DAP3: variants seen among roughly 807,000 people sequenced by gnomAD.
DAP3 encodes death associated protein 3.
Under a neutral mutation model 51.9 loss-of-function variants are expected in DAP3, and 28 were observed. The ratio of observed to expected loss-of-function variants is 0.54; its 90% CI spans 0.40 to 0.74. The LOEUF (loss-of-function observed/expected upper bound fraction) is 0.74, where lower values mean the gene tolerates loss of function less well. DAP3 is among the 30% of genes least tolerant of loss of function. The pLI is 0.00. For synonymous variants in DAP3, 170 were observed against 170.3 expected, an observed-to-expected ratio of 1.00 and a Z score of 0.01; for missense variants, 458 against 483.5, an observed-to-expected ratio of 0.95 and a Z score of 0.49.
chr1:155,718,228 A>G (rs1485460307), intron 3 of DAP3, among the ~76,000 whole-genome samples: 1 of 152,172 alleles, frequency 6.6e-6, no homozygotes, highest in Non-Finnish European at 1.5e-5. Flanking sequence ...TCTACTAAAA[A>G]TACTAAAATT....
chr1:155,716,434 G>A (rs956678803), intron 2 of DAP3, among the ~76,000 whole-genome samples: 8 of 152,112 alleles, frequency 5.3e-5, no homozygotes, highest in African/African-American at 2.4e-5. Context: ...TTAGCCAGGC[G>A]TGGTGGCGGG....
chr1:155,718,261 C>A (rs1360380576), intron 3 of DAP3, among the ~76,000 whole-genome samples: 5 of 152,138 alleles, frequency 3.3e-5, no homozygotes, highest in Non-Finnish European at 7.3e-5. Flanking sequence ...TGGCGGGCAC[C>A]TGTAATCCCA....
chr1:155,721,507 T>A lies in DAP3; in HGVS notation c.169-10T>A. On this transcript the variant is annotated splice_polypyrimidine_tract_variant and intron_variant, in intron 3 of 12. Transcript: ENST00000368336. Reference sequence around the variant, plus strand: ...TCACCATTATACCTGTTTGCACTCTTATTTCCTAGGCCAAGCATGGGGATC... The same window carrying A: ...TCACCATTATACCTGTTTGCACTCTAATTTCCTAGGCCAAGCATGGGGATC... The A allele has an allele frequency of 6.2e-7, 1 of 1,613,690 alleles. No homozygotes were observed. Among genetic ancestry groups the A allele is most frequent in the Non-Finnish European group, 8.5e-7 (1 of 1,179,894 alleles).
At chr1:155,700,449 C>T (rs1200027425) in intron 1 of DAP3, among the ~76,000 whole-genome samples, 1 of 152,162 alleles carries the variant, frequency 6.6e-6, no homozygotes, top group Non-Finnish European at 1.5e-5. Context: ...GTTAAGAAAC[C>T]ATTGCATAAC....
chr1:155,702,599 AATT>A (rs926799599), intron 1 of DAP3, among the ~76,000 whole-genome samples: 3 of 152,232 alleles, frequency 2.0e-5, no homozygotes, highest in East Asian at 3.9e-4. Flanking sequence ...TTTGTGGGTG[AATT>A]TCAGGTTGTC....
intron 1 of DAP3, among the ~76,000 whole-genome samples, chr1:155,705,628 A>G (rs965733189): frequency 6.6e-6 from 1 of 151,190 alleles, no homozygotes; most frequent in East Asian, 1.9e-4. Flanking sequence ...GAAAAAAAAA[A>G]CAGAAAGGAA....
intron 3 of DAP3, 75 bp downstream of exon 3, chr1:155,717,203 A>T (rs778979973): frequency 3.1e-5 from 49 of 1,573,048 alleles, no homozygotes; most frequent in Non-Finnish European, 2.7e-5. Flanking sequence ...GCATAGGAAA[A>T]CTGAAACTGA....
intron 7 of DAP3, 49 bp from the exon 8 acceptor site, chr1:155,728,993 A>T (rs992573179): frequency 1.3e-6 from 2 of 1,594,672 alleles, no homozygotes; most frequent in African/African-American, 2.7e-5. Context: ...TTTCACCCTT[A>T]GGCCAAGTAG....
chr1:155,736,072 CT>C (rs1423369893), intron 11 of DAP3, among the ~76,000 whole-genome samples: 1 of 152,052 alleles, frequency 6.6e-6, no homozygotes, highest in African/African-American at 2.4e-5. Flanking sequence ...AACTCCTGAC[CT>C]TGTGATCTGC....
At position 155,691,785 on chromosome 1, in the gene DAP3, T is replaced by C. The variant is rs1653847346; in HGVS notation, c.-8+2611T>C. On this transcript the variant is annotated intron_variant, in intron 1 of 12. Coordinates refer to ENST00000368336, the MANE Select transcript of DAP3 (RefSeq NM_004632.4). ...TTTTGAATTTCATCATTCTAGTGGG[T>C]GTGAAGTGTATCTCATTGTGGTTTT... 1.4e-5 allele frequency among the ~76,000 whole-genome samples: 2 copies of C among 141,870 alleles called. 1 individual carries two copies. Among genetic ancestry groups the C allele is most frequent in the African/African-American group, 6.4e-5 (2 of 31,336 alleles). The allele number at this position is 141,870 out of a possible 152,430, so 93.1% of individuals were successfully genotyped here. A position where few individuals can be genotyped will look rare whatever the true frequency, so the allele number is the denominator to read the frequency against.
intron 11 of DAP3, chr1:155,736,598 G>T (rs917384599): frequency 3.8e-6 from 1 of 265,708 alleles, no homozygotes; most frequent in Non-Finnish European, 7.3e-6. Context: ...TGTATTTTCT[G>T]TCGAGACAGG....
intron 4 of DAP3, among the ~76,000 whole-genome samples, chr1:155,722,748 C>T (rs903175699): frequency 2.0e-5 from 3 of 152,072 alleles, no homozygotes; most frequent in Admixed American, 1.3e-4. Flanking sequence ...CAGTGAGCTA[C>T]GATAGTGCCA....
intron 3 of DAP3, among the ~76,000 whole-genome samples, chr1:155,717,776 G>A (rs908020418): frequency 5.9e-5 from 9 of 152,174 alleles, no homozygotes; most frequent in Non-Finnish European, 4.4e-5. Context: ...AGGGTCTGGA[G>A]AGGGAACTAA....
intron 9 of DAP3, among the ~76,000 whole-genome samples, chr1:155,730,272 C>T (rs541213336): frequency 7.1e-4 from 93 of 130,872 alleles, no homozygotes; most frequent in African/African-American, 3.7e-3. Context: ...CATACATATT[C>T]GTATATGCAT....
At chr1:155,730,292 T>A (rs1346785355) in intron 9 of DAP3, among the ~76,000 whole-genome samples, 2 of 149,722 alleles carry the variant, frequency 1.3e-5, no homozygotes, top group East Asian at 1.9e-4. Flanking sequence ...TATGCACACA[T>A]ACATATTCGT....
chr1:155,704,800 C>T (rs543739709), intron 1 of DAP3, among the ~76,000 whole-genome samples: 60 of 151,684 alleles, frequency 4.0e-4, no homozygotes, highest in Non-Finnish European at 7.4e-4. Flanking sequence ...GCCAACATGG[C>T]GAAACCCTGT....
intron 1 of DAP3, among the ~76,000 whole-genome samples, chr1:155,702,870 TGAGGCAGA>T (rs1229846362): frequency 1.3e-5 from 2 of 152,208 alleles, no homozygotes; most frequent in Admixed American, 6.5e-5. Flanking sequence ...CTCAGGAGGC[TGAGGCAGA>T]GAATTGCTTG....
At chr1:155,706,720 C>T (rs1343630898) in intron 1 of DAP3, among the ~76,000 whole-genome samples, 1 of 151,576 alleles carries the variant, frequency 6.6e-6, no homozygotes, top group African/African-American at 2.4e-5. Flanking sequence ...TGAACTCCAG[C>T]TTGGGTGACA....
At chr1:155,697,706 C>T (rs368166994) in intron 1 of DAP3, among the ~76,000 whole-genome samples, 50 of 152,160 alleles carry the variant, frequency 3.3e-4, no homozygotes, top group Middle Eastern at 6.8e-3. Context: ...GTCCATGTCC[C>T]GCTGGGCACA....
Sources: allele counts gnomAD v4.1 joint callset (sites outside exome capture counted in the v4.1 genomes callset), GRCh38; gene constraint gnomAD v4.1.1; transcripts MANE v1.5; gene names NCBI Gene and HGNC (gene_info 2026-07-23, HGNC 2026-07-21).